UTP20: variants seen among roughly 807,000 people sequenced by gnomAD.
The protein encoded by UTP20 is small subunit processome component 20 homolog.
Under a neutral mutation model 329.5 loss-of-function variants are expected in UTP20, and 164 were observed. The ratio of observed to expected loss-of-function variants is 0.50; its 90% confidence interval spans 0.44 to 0.57. UTP20 has a LOEUF of 0.57. UTP20 is among the 20% of genes least tolerant of loss of function. The pLI, the probability that UTP20 is intolerant of heterozygous loss-of-function variation, is 0.00. For synonymous variants in UTP20, 1,151 were observed against 1,159.3 expected, an observed-to-expected ratio of 0.99 and a Z score of 0.14; for missense variants, 3,055 against 3,284.2, an observed-to-expected ratio of 0.93 and a Z score of 1.71.
At chr12:101,385,097 CAAAAAAAA>C (rs35335261) in intron 60 of UTP20, among the ~76,000 whole-genome samples, 1 of 114,124 alleles carries the variant, frequency 8.8e-6, no homozygotes. Flanking sequence ...ACTCCCCCGC[CAAAAAAAA>C]AAAAAAAAAA....
At chr12:101,319,779 TAATAGACATA>T in intron 23 of UTP20, 144 bp downstream of exon 23, 1 of 626,068 alleles carries the variant, frequency 1.6e-6, no homozygotes, top group Non-Finnish European at 2.6e-6. Context: ...TTTTTTTAAT[TAATAGACATA>T]TTTTCTGTTA....
intron 15 of UTP20, among the ~76,000 whole-genome samples, chr12:101,303,292 A>G (rs1172035742): frequency 6.6e-6 from 1 of 152,214 alleles, no homozygotes; most frequent in African/African-American, 2.4e-5. Flanking sequence ...TAGCCAGAAG[A>G]GGCACTAAAC....
intron 23 of UTP20, among the ~76,000 whole-genome samples, chr12:101,320,253 C>T (rs1273322714): frequency 6.6e-6 from 1 of 152,132 alleles, no homozygotes; most frequent in Admixed American, 6.6e-5. Context: ...TCCAGATTCA[C>T]ATAGAGAATC....
At position 101,358,219 on chromosome 12, in the gene UTP20, C is replaced by T. The variant is rs1869792099; in HGVS notation, c.5691+1137C>T. ...TTTTTAGTAGTTGCTCTATCGATTA[C>T]CATATATTTCAATAGTCTACTGAGA... On this transcript the variant is annotated intron_variant, in intron 43 of 61. Transcript: ENST00000261637. 2.6e-5 allele frequency among the ~76,000 whole-genome samples: 4 copies of T among 152,252 alleles called. No homozygotes were observed. The South Asian group carries it at 8.3e-4, about 32-fold the overall frequency.
chr12:101,308,494 G>A, intron 18 of UTP20, 151 bp downstream of exon 18: 1 of 417,588 alleles, frequency 2.4e-6, no homozygotes, highest in Admixed American at 5.5e-5. Context: ...TAGATGCTTT[G>A]AGTTAAACAG....
chr12:101,334,716 G>A (rs1391518413), intron 29 of UTP20, among the ~76,000 whole-genome samples: 1 of 152,138 alleles, frequency 6.6e-6, no homozygotes, highest in South Asian at 2.1e-4. Context: ...AGTGGCTCAC[G>A]CCTGTAATCC....
Position 101,306,075 on chromosome 12 carries a change from T to C in UTP20, c.1932+10T>C, listed in dbSNP as rs754788400. ...AACTGGTGTATCCAAGGTAATGGTG[T>C]TTTGTGGTAGTGTGTCCTCAGTCTC... On this transcript the variant is annotated intron_variant, in intron 16 of 61. Coordinates refer to ENST00000261637, the MANE Select transcript of UTP20 (RefSeq NM_014503.3). 18 of 1,606,536 alleles carry C rather than the reference T, an allele frequency of 1.1e-5. No homozygotes were observed. In the African/African-American group the frequency reaches 1.6e-4, roughly 14 times the overall value.
intron 2 of UTP20, 128 bp downstream of exon 2, chr12:101,281,324 C>A: frequency 1.4e-6 from 1 of 726,894 alleles, no homozygotes; most frequent in Non-Finnish European, 2.2e-6. Context: ...TGTGCTGTTT[C>A]ATACAGTAGC....
intron 21 of UTP20, among the ~76,000 whole-genome samples, chr12:101,314,484 C>T (rs1872900399): frequency 1.3e-5 from 2 of 151,924 alleles, no homozygotes; most frequent in South Asian, 2.1e-4. Flanking sequence ...CGGTGAAACC[C>T]TGTCTGTACT....
In UTP20 at chr12:101,319,732, A is replaced by G. The variant is rs570922832; in HGVS notation, c.2829+97A>G. ...CTTAGATTTTCAATAATTGCTGAAT[A>G]GGGCCCATGTCTACATTTTAAGTAT... is the stretch of plus-strand genomic sequence containing the variant. On this transcript the variant is annotated intron_variant, in intron 23 of 61. Coordinates refer to ENST00000261637, the MANE Select transcript of UTP20 (RefSeq NM_014503.3). 1.1e-4 allele frequency: 101 copies of G among 937,412 alleles called. 2 individuals carry two copies. In the African/African-American group the frequency reaches 1.5e-3, roughly 14 times the overall value. 58.1% of individuals were successfully genotyped at this position (937,412 alleles called of 1,614,324 possible).
chr12:101,298,144 G>A (rs4764642), intron 12 of UTP20, among the ~76,000 whole-genome samples: 85,874 of 152,076 alleles, frequency 0.56, 27,130 homozygotes, highest in East Asian at 0.94. Flanking sequence ...ACTTACTGTC[G>A]TTTGACAACT....
At position 101,312,065 on chromosome 12, in the gene UTP20, G is replaced by A. The variant is rs1362911591; in HGVS notation, c.2341G>A (p.Glu781Lys). 3 of 1,614,236 alleles carry A rather than the reference G, an allele frequency of 1.9e-6. No individual in the cohort carries two copies. The highest frequency in any genetic ancestry group is 1.7e-5 in the Admixed American group (1 of 60,026). Residue 781 changes from glutamate to lysine, a missense_variant, in exon 21 of 62, where the codon GAG (glutamate) becomes AAG (lysine). Around this residue, in one of 3 missense-constraint regions of UTP20, gnomAD observed 2,445 missense variants for 2,575.5 expected, o/e 0.95. Transcript: ENST00000261637. Reference protein sequence around the residue: ...EKELQNDMTDEKSVGDESWEQ... With the variant: ...EKELQNDMTDKKSVGDESWEQ... ...GGAACTACAGAATGATATGACAGAT[G>A]AGAAGTCCGTTGGAGATGAAAGTTG... is the stretch of plus-strand genomic sequence containing the variant.
intron 42 of UTP20, 78 bp from the exon 43 acceptor site, chr12:101,356,848 T>A: frequency 1.3e-6 from 2 of 1,499,784 alleles, no homozygotes; most frequent in Non-Finnish European, 1.8e-6. Flanking sequence ...TACGAGTAAT[T>A]AAGAGACTAA....
At chr12:101,314,333 T>C (rs1023423266) in intron 21 of UTP20, among the ~76,000 whole-genome samples, 2 of 152,208 alleles carry the variant, frequency 1.3e-5, no homozygotes, top group Middle Eastern at 3.4e-3. Flanking sequence ...AATGAGTTGT[T>C]TTGATTAATC....
At chr12:101,331,722 A>G (rs1868767156) in intron 27 of UTP20, among the ~76,000 whole-genome samples, 1 of 152,168 alleles carries the variant, frequency 6.6e-6, no homozygotes, top group Non-Finnish European at 1.5e-5. Flanking sequence ...GATATTCACT[A>G]TATGAGAGCA....
At position 101,362,694 on chromosome 12, in the gene UTP20, ACT is replaced by A. The variant is rs1869967741; in HGVS notation, c.5790+637_5790+638del. Among the ~76,000 whole-genome samples the A allele has an allele frequency of 2.3e-5, 3 of 132,790 alleles. 1 individual carries two copies. The highest frequency in any genetic ancestry group is 1.2e-4 in the African/African-American group (3 of 25,670). The allele number at this position is 132,790 out of a possible 152,430, so 87.1% of individuals were successfully genotyped here. On this transcript the variant is annotated intron_variant, in intron 44 of 61. Coordinates refer to ENST00000261637, the MANE Select transcript of UTP20 (RefSeq NM_014503.3). Reference sequence around the variant, plus strand: ...ACTTCAGCCTGGGCGACAGAGTGAGACTCTGTCTCAAAAAAACAAAACAAAAC... The same window carrying A: ...ACTTCAGCCTGGGCGACAGAGTGAGACTGTCTCAAAAAAACAAAACAAAAC...
chr12:101,302,293 G>A (rs1024367773), intron 14 of UTP20, among the ~76,000 whole-genome samples, 155 bp from the exon 15 acceptor site: 5 of 152,130 alleles, frequency 3.3e-5, no homozygotes, highest in Non-Finnish European at 7.4e-5. Context: ...GTTTCTTTCT[G>A]TTATATTTGG....
intron 11 of UTP20, 87 bp from the exon 12 acceptor site, chr12:101,295,393 T>G: frequency 8.1e-7 from 1 of 1,232,882 alleles, no homozygotes; most frequent in Non-Finnish European, 1.1e-6. Flanking sequence ...TCTTGATCCT[T>G]TGTTTTTGGT....
intron 21 of UTP20, among the ~76,000 whole-genome samples, chr12:101,313,323 G>T (rs1484600748): frequency 6.6e-6 from 1 of 152,162 alleles, no homozygotes; most frequent in Admixed American, 6.5e-5. Context: ...GAATGATCCA[G>T]GGAGGACATG....
Sources: allele counts gnomAD v4.1 joint callset (sites outside exome capture counted in the v4.1 genomes callset), GRCh38; gene constraint gnomAD v4.1.1; regional missense constraint gnomAD v4.1.1; transcripts MANE v1.5; gene names NCBI Gene and HGNC (gene_info 2026-07-23, HGNC 2026-07-21).